Variants in LRP1B observed in about 807,000 individuals in gnomAD.
LRP1B encodes low-density lipoprotein receptor-related protein 1B.
Under a neutral mutation model 556.6 loss-of-function variants are expected in LRP1B, and 217 were observed. The ratio of observed to expected loss-of-function variants is 0.39; its 90% CI spans 0.35 to 0.44. The LOEUF is 0.44. Ranked by LOEUF, LRP1B falls within the 20% of genes least tolerant of loss-of-function variation. The pLI is 1.00. For missense variants in LRP1B, 5,053 were observed against 5,620.8 expected (o/e 0.90, Z 3.23); for synonymous variants, 2,047 against 1,865.8 (o/e 1.10, Z -2.50).
At chr2:141,673,970 A>G (rs16846822) in intron 2 of LRP1B, among the ~76,000 whole-genome samples, 7,519 of 152,104 alleles carry the variant, frequency 0.049, 234 homozygotes, top group East Asian at 0.12. Flanking sequence ...TGATGAAAAT[A>G]TGAAGCAGAA....
At chr2:142,057,761 C>T (rs1704732732) in intron 1 of LRP1B, among the ~76,000 whole-genome samples, 1 of 152,066 alleles carries the variant, frequency 6.6e-6, no homozygotes, top group Admixed American at 6.6e-5. Context: ...GTGTCTCTCG[C>T]CTTAAACCTT....
intron 2 of LRP1B, among the ~76,000 whole-genome samples, chr2:141,774,597 A>T (rs1695000703): frequency 6.6e-6 from 1 of 152,202 alleles, no homozygotes; most frequent in Admixed American, 6.5e-5. Context: ...TAATAAATAT[A>T]GTATAGTCAT....
intron 2 of LRP1B, among the ~76,000 whole-genome samples, chr2:141,694,147 C>T (rs1558809082): frequency 1.3e-5 from 2 of 152,048 alleles, no homozygotes; most frequent in Non-Finnish European, 2.9e-5. Context: ...CCCTCTACCT[C>T]TACCTCTCTA....
chr2:140,701,941 G>A (rs2105427280), intron 39 of LRP1B, 96 bp from the exon 40 acceptor site: 2 of 1,481,658 alleles, frequency 1.3e-6, no homozygotes, highest in Admixed American at 1.9e-5. Flanking sequence ...CCAACAGAAG[G>A]GAAAGAAACC....
At chr2:140,815,214 A>G (rs1691071108) in intron 31 of LRP1B, among the ~76,000 whole-genome samples, 1 of 152,174 alleles carries the variant, frequency 6.6e-6, no homozygotes, top group Non-Finnish European at 1.5e-5. Flanking sequence ...GTGCACTGAG[A>G]AAAGGTCAAA....
chr2:141,219,780 T>C (rs1346986684), intron 6 of LRP1B, among the ~76,000 whole-genome samples: 1 of 152,154 alleles, frequency 6.6e-6, no homozygotes, highest in South Asian at 2.1e-4. Context: ...ATACCTCTAG[T>C]TGCAGGAGGG....
intron 2 of LRP1B, among the ~76,000 whole-genome samples, chr2:141,491,641 C>T (rs4476294): frequency 0.97 from 148,170 of 152,092 alleles, 72,288 homozygotes; most frequent in East Asian, 1. Context: ...CAGAGAGTTC[C>T]ACACAACTCT....
Position 140,263,531 on chromosome 2 carries a change from CT to C in LRP1B, c.13247+6710del, listed in dbSNP as rs757438181. Among the ~76,000 whole-genome samples, 27 of 152,244 alleles carry C rather than the reference CT, an allele frequency of 1.8e-4. 1 individual carries two copies. The South Asian group carries it at 2.7e-3, about 15-fold the overall frequency. On this transcript the variant is annotated intron_variant, in intron 86 of 90. Coordinates refer to ENST00000389484, the MANE Select transcript of LRP1B (RefSeq NM_018557.3). Reference sequence around the variant, plus strand: ...ACAATTCCTTCAATTTATCTTTCCCCTCTCACTGTTTACTATCAGCAGCAAG... The same window carrying C: ...ACAATTCCTTCAATTTATCTTTCCCCCTCACTGTTTACTATCAGCAGCAAG...
chr2:141,836,292 T>G (rs1697275763), intron 1 of LRP1B, among the ~76,000 whole-genome samples: 1 of 152,032 alleles, frequency 6.6e-6, no homozygotes, highest in African/African-American at 2.4e-5. Flanking sequence ...CATTAAAAAT[T>G]CAAGTGTCAA....
At chr2:140,364,411 A>T (rs1268740110) in intron 72 of LRP1B, among the ~76,000 whole-genome samples, 3 of 151,630 alleles carry the variant, frequency 2.0e-5, no homozygotes, top group African/African-American at 7.3e-5. Context: ...ACCCAAAGAG[A>T]CCATAATCTC....
At chr2:141,558,108 C>T (rs1466384022) in intron 2 of LRP1B, among the ~76,000 whole-genome samples, 1 of 151,882 alleles carries the variant, frequency 6.6e-6, no homozygotes, top group African/African-American at 2.4e-5. Context: ...CCTCACTTTC[C>T]TGAGTCAATT....
chr2:141,841,964 G>C (rs1031266566), intron 1 of LRP1B, among the ~76,000 whole-genome samples: 48 of 152,206 alleles, frequency 3.2e-4, no homozygotes, highest in Non-Finnish European at 5.4e-4. Context: ...TTACAAGCTA[G>C]AGTAAGTATT....
chr2:141,139,793 G>A (rs1050948992), intron 7 of LRP1B, among the ~76,000 whole-genome samples: 3 of 130,736 alleles, frequency 2.3e-5, no homozygotes, highest in African/African-American at 6.7e-5. Flanking sequence ...GTGTGTGTGT[G>A]TGTGTGTGTG....
At chr2:141,259,970 A>G (rs753338001) in intron 3 of LRP1B, among the ~76,000 whole-genome samples, 1 of 152,158 alleles carries the variant, frequency 6.6e-6, no homozygotes, top group Non-Finnish European at 1.5e-5. Context: ...TTATCCTGCC[A>G]TATCGTATAT....
chr2:141,685,798 G>A (rs1355557530), intron 2 of LRP1B, among the ~76,000 whole-genome samples: 2 of 151,992 alleles, frequency 1.3e-5, no homozygotes, highest in African/African-American at 4.8e-5. Context: ...AAATAAGTTA[G>A]CAGGCTGATT....
intron 3 of LRP1B, among the ~76,000 whole-genome samples, chr2:141,397,281 C>T (rs965323636): frequency 5.3e-5 from 8 of 151,626 alleles, no homozygotes; most frequent in African/African-American, 1.4e-4. Context: ...TTGAACTTTT[C>T]TTCCTTCTTT....
intron 7 of LRP1B, among the ~76,000 whole-genome samples, chr2:141,103,270 AAAAT>A (rs1349714691): frequency 2.0e-5 from 3 of 152,132 alleles, no homozygotes; most frequent in Admixed American, 2.0e-4. Context: ...AGCATTCTTA[AAAAT>A]AAATAAATAA....
chr2:141,833,224 A>G (rs1248280177), intron 1 of LRP1B, among the ~76,000 whole-genome samples: 2 of 151,816 alleles, frequency 1.3e-5, no homozygotes, highest in Non-Finnish European at 3.0e-5. Context: ...TCTACAACAT[A>G]AAGTATATAA....
chr2:140,450,483 A>G, intron 63 of LRP1B, 85 bp downstream of exon 63: 1 of 999,178 alleles, frequency 1.0e-6, no homozygotes, highest in South Asian at 1.4e-5. Context: ...TCAGAAGGCA[A>G]TACTTTAGGT....
Sources: gnomAD v4.1 joint callset for allele counts (sites outside exome capture counted in the v4.1 genomes callset) on GRCh38, gnomAD v4.1.1 for gene constraint, MANE v1.5 for transcripts, NCBI Gene and HGNC (gene_info 2026-07-23, HGNC 2026-07-21) for gene names.